ADD2: variants seen among roughly 807,000 people sequenced by gnomAD.
ADD2 encodes the protein adducin 2.
A neutral mutation model predicts 83.0 loss-of-function variants in ADD2; 23 were observed. The ratio of observed to expected loss-of-function variants is 0.28; its 90% CI spans 0.20 to 0.39. ADD2 has a LOEUF of 0.39. Ranked by LOEUF, ADD2 falls within the 10% of genes least tolerant of loss-of-function variation. The pLI, the probability that ADD2 is intolerant of heterozygous loss-of-function variation, is 1.00. For missense variants in ADD2, 758 were observed against 944.9 expected (o/e 0.80, Z 2.59); for synonymous variants, 375 against 375.4 (o/e 1.00, Z 0.01).
intron 15 of ADD2, among the ~76,000 whole-genome samples, chr2:70,664,961 CAT>C (rs1183597341): frequency 6.7e-6 from 1 of 150,254 alleles, no homozygotes; most frequent in Non-Finnish European, 1.5e-5. Context: ...TGCACATGAG[CAT>C]ATGCGAGGGT....
intron 1 of ADD2, among the ~76,000 whole-genome samples, chr2:70,751,157 A>G (rs1268321186): frequency 6.6e-6 from 1 of 152,192 alleles, no homozygotes; most frequent in Admixed American, 6.5e-5. Flanking sequence ...TCTGATTTCT[A>G]TAATGAAGAG....
intron 4 of ADD2, among the ~76,000 whole-genome samples, chr2:70,703,230 GAGAA>G (rs1161902434): frequency 3.3e-5 from 5 of 151,908 alleles, no homozygotes; most frequent in African/African-American, 7.3e-5. Flanking sequence ...AAGAGAGAAA[GAGAA>G]AGAGAGAGAG....
chr2:70,659,661 C>T lies in ADD2; in HGVS notation c.*3764G>A, dbSNP rs143584299. The T allele has an allele frequency of 6.6e-6, 1 of 152,326 alleles. No homozygotes were observed. Among genetic ancestry groups the T allele is most frequent in the African/African-American group, 2.4e-5 (1 of 41,540 alleles). The allele number at this position is 152,326 out of a possible 1,614,324, so 9.4% of individuals were successfully genotyped here. A position where few individuals can be genotyped will look rare whatever the true frequency, so the allele number is the denominator to read the frequency against. ...GACAGTTACTTGGGTTGCATGCAGG[C>T]CAGGAGGCTCTTAGGGAGTCCAGAT... On this transcript the variant is annotated 3_prime_UTR_variant, in exon 16 of 16. Transcript: ENST00000264436.
intron 1 of ADD2, among the ~76,000 whole-genome samples, chr2:70,732,336 C>G (rs1476103707): frequency 6.6e-6 from 1 of 152,214 alleles, no homozygotes; most frequent in Non-Finnish European, 1.5e-5. Context: ...TTGCTGAATG[C>G]TGAGCTTACA....
rs1574223656 is a variant in ADD2, at chr2:70,674,673, T to C, written c.1741+5A>G. ...GAAGCAAGGGTGTGCCTCAGGGTCATTTACCATCAAGTTCTAGTTTCTTCC... is the reference window on the plus strand; with the variant it reads ...GAAGCAAGGGTGTGCCTCAGGGTCACTTACCATCAAGTTCTAGTTTCTTCC... On this transcript the variant is annotated splice_donor_5th_base_variant and intron_variant, in intron 14 of 15. Coordinates refer to ENST00000264436, the MANE Select transcript of ADD2 (RefSeq NM_001617.4). 2 of 1,613,076 alleles carry C rather than the reference T, an allele frequency of 1.2e-6. No individual in the cohort carries two copies. The highest frequency in any genetic ancestry group is 1.7e-6 in the Non-Finnish European group (2 of 1,179,438).
chr2:70,670,358 G>T (rs1175196754), intron 15 of ADD2, among the ~76,000 whole-genome samples: 1 of 152,218 alleles, frequency 6.6e-6, no homozygotes, highest in Non-Finnish European at 1.5e-5. Flanking sequence ...GTTTTTAAAT[G>T]ACTTGTTTGA....
intron 4 of ADD2, among the ~76,000 whole-genome samples, chr2:70,702,659 A>G (rs1553373645): frequency 1.1e-4 from 17 of 151,896 alleles, no homozygotes; most frequent in Non-Finnish European, 1.5e-5. Flanking sequence ...TACAAGACAA[A>G]AAAAATGCCA....
intron 10 of ADD2, among the ~76,000 whole-genome samples, chr2:70,679,320 A>G (rs1203645836): frequency 1.3e-5 from 2 of 152,170 alleles, no homozygotes; most frequent in African/African-American, 4.8e-5. Context: ...GGAGCTTCAC[A>G]CAAACACTGA....
intron 1 of ADD2, chr2:70,767,581 T>C: frequency 3.3e-6 from 4 of 1,198,116 alleles, no homozygotes; most frequent in Non-Finnish European, 4.2e-6. Context: ...GCCCCTCCAT[T>C]CGGACCCAAA....
At chr2:70,730,998 C>G (rs1399101104) in intron 1 of ADD2, among the ~76,000 whole-genome samples, 1 of 152,228 alleles carries the variant, frequency 6.6e-6, no homozygotes, top group Non-Finnish European at 1.5e-5. Context: ...CATTAAGCAA[C>G]ATGTGATTAA....
At chr2:70,741,516 A>T (rs1157034924) in intron 1 of ADD2, 1 of 152,200 alleles carries the variant, frequency 6.6e-6, no homozygotes, top group African/African-American at 2.4e-5. Flanking sequence ...TCACCAGTAT[A>T]TGTTTCCTCT....
At chr2:70,687,593 AAAAC>A (rs56727401) in intron 9 of ADD2, among the ~76,000 whole-genome samples, 37,685 of 149,354 alleles carry the variant, frequency 0.25, 5,452 homozygotes, top group East Asian at 0.55. Context: ...CCCTCCCCTC[AAAAC>A]AAACAAACAA....
At chr2:70,685,266 C>G (rs1670658107) in intron 9 of ADD2, among the ~76,000 whole-genome samples, 1 of 152,164 alleles carries the variant, frequency 6.6e-6, no homozygotes, top group Non-Finnish European at 1.5e-5. Flanking sequence ...CCAAGAGGAT[C>G]AGGGACAGAC....
chr2:70,745,192 A>C (rs1307157157), intron 1 of ADD2, among the ~76,000 whole-genome samples: 2 of 152,144 alleles, frequency 1.3e-5, no homozygotes, highest in Non-Finnish European at 2.9e-5. Context: ...AAGCTGAGGC[A>C]GGAGAATGGT....
At chr2:70,690,372 C>T (rs555627047) in intron 8 of ADD2, among the ~76,000 whole-genome samples, 6 of 152,286 alleles carry the variant, frequency 3.9e-5, no homozygotes, top group South Asian at 2.1e-4. Context: ...GTTGGGATTA[C>T]GGGCATGAGC....
intron 1 of ADD2, among the ~76,000 whole-genome samples, chr2:70,763,558 T>C (rs1553385422): frequency 6.6e-6 from 1 of 151,970 alleles, no homozygotes; most frequent in Admixed American, 6.6e-5. Context: ...TGTATACTCA[T>C]AAATACCAGT....
At chr2:70,717,711 G>A (rs1672546996) in intron 1 of ADD2, 1 of 152,324 alleles carries the variant, frequency 6.6e-6, no homozygotes, top group African/African-American at 2.4e-5. Context: ...CCACAAGTGA[G>A]AGAGGAGATG....
chr2:70,669,503 G>C (rs1320675454), intron 15 of ADD2, among the ~76,000 whole-genome samples: 4 of 152,210 alleles, frequency 2.6e-5, no homozygotes, highest in African/African-American at 9.7e-5. Context: ...CTCATAAATG[G>C]ATGCAGTGGA....
In ADD2 at chr2:70,687,879, T is replaced by G; in HGVS notation, c.948+145A>C. 3 of 621,140 alleles carry G rather than the reference T, an allele frequency of 4.8e-6. No individual in the cohort carries two copies. The South Asian group carries it at 6.1e-5, about 13-fold the overall frequency. 38.5% of individuals were successfully genotyped at this position (621,140 alleles called of 1,614,324 possible). ...GTGAAACTTTAGAAGGATAAGATGG[T>G]GCCAAGGCAGAGAAATAGGGCAAGG... On this transcript the variant is annotated intron_variant, in intron 9 of 15. Transcript: ENST00000264436.
Sources: gnomAD v4.1 joint callset for allele counts (sites outside exome capture counted in the v4.1 genomes callset) on GRCh38, gnomAD v4.1.1 for gene constraint, MANE v1.5 for transcripts, NCBI Gene and HGNC (gene_info 2026-07-23, HGNC 2026-07-21) for gene names.